The following PIP4K2C variants were observed in gnomAD, a reference collection of about 807,000 sequenced individuals.
The protein encoded by PIP4K2C is phosphatidylinositol 5-phosphate 4-kinase type-2 gamma.
Under a neutral mutation model 45.0 loss-of-function variants are expected in PIP4K2C, and 21 were observed. That is an observed-to-expected ratio of 0.47 (90% CI 0.33 to 0.67). The LOEUF is 0.67. PIP4K2C is among the 30% of genes least tolerant of loss of function. The probability of loss-of-function intolerance (pLI) is 0.02; values close to 1 mark genes in which losing one functional copy is unlikely to be tolerated. For missense variants in PIP4K2C, 456 were observed against 542.8 expected (o/e 0.84, Z 1.59); for synonymous variants, 201 against 204.8 (o/e 0.98, Z 0.16).
At chr12:57,592,586 G>C (rs532356423) in intron 1 of PIP4K2C, among the ~76,000 whole-genome samples, 65 of 152,236 alleles carry the variant, frequency 4.3e-4, no homozygotes, top group African/African-American at 1.5e-3. Context: ...GTATGGGGAA[G>C]GCTGATGGAG....
At chr12:57,592,700 T>G (rs1883014617) in intron 1 of PIP4K2C, among the ~76,000 whole-genome samples, 1 of 152,130 alleles carries the variant, frequency 6.6e-6, no homozygotes, top group African/African-American at 2.4e-5. Flanking sequence ...GAGTTACATG[T>G]AAGACCTACC....
chr12:57,598,636 C>T (rs771263552), intron 4 of PIP4K2C, among the ~76,000 whole-genome samples: 12 of 151,336 alleles, frequency 7.9e-5, no homozygotes, highest in Non-Finnish European at 1.8e-4. Context: ...ACAGCACAGC[C>T]CAACCCAATG....
In PIP4K2C at chr12:57,600,977, C is replaced by T. The variant is rs757383047; in HGVS notation, c.980C>T (p.Thr327Ile). ...CCTGCTCTGGTGGGCTCCTATGGCA[C>T]CTCCCCAGAGGGTATCGGAGGCTAC... ...GPPALVGSYG[T>I]SPEGIGGYIH... Residue 327 changes from threonine (T) to isoleucine (I), a missense_variant, in exon 8 of 10, where the codon ACC becomes ATC. This residue lies in a region of PIP4K2C where 421 missense variants were observed against 473.1 expected (regional missense o/e 0.89). Coordinates refer to ENST00000354947, the MANE Select transcript of PIP4K2C (RefSeq NM_024779.5). The T allele has an allele frequency of 6.2e-7, 1 of 1,614,184 alleles. No individual in the cohort carries two copies. Among genetic ancestry groups the T allele is most frequent in the South Asian group, 1.1e-5 (1 of 91,082 alleles).
At chr12:57,594,221 C>A in intron 2 of PIP4K2C, 99 bp downstream of exon 2, 2 of 945,722 alleles carry the variant, frequency 2.1e-6, no homozygotes, top group Non-Finnish European at 3.1e-6. Context: ...ACATCCTTCC[C>A]AAATGCAGAA....
At chr12:57,593,878 C>G (rs915614818) in intron 1 of PIP4K2C, 147 bp from the exon 2 acceptor site, 2 of 583,208 alleles carry the variant, frequency 3.4e-6, no homozygotes, top group Non-Finnish European at 6.0e-6. Flanking sequence ...GACACATTCT[C>G]TCACTTCTGT....
At chr12:57,591,614 C>G in intron 1 of PIP4K2C, 151 bp downstream of exon 1, 3 of 845,034 alleles carry the variant, frequency 3.6e-6, no homozygotes, top group Non-Finnish European at 5.2e-6. Flanking sequence ...CCAGGTGTTC[C>G]CCCAGCAGGT....
In PIP4K2C at chr12:57,592,900, C is replaced by CT. The variant is rs74320065; in HGVS notation, c.175-1110dup. ...ATTTTAGGCTGGGAGTCTCAAGTGG[C>CT]TTTTTTTTTTTTTTTAATCTGGAGG... On this transcript the variant is annotated intron_variant, in intron 1 of 9. Coordinates refer to ENST00000354947, the MANE Select transcript of PIP4K2C (RefSeq NM_024779.5). Among the ~76,000 whole-genome samples, 856 of 121,324 alleles carry CT rather than the reference C, an allele frequency of 7.1e-3. 5 individuals carry two copies. Among genetic ancestry groups the CT allele is most frequent in the African/African-American group, 0.022 (711 of 32,598 alleles). The allele number at this position is 121,324 out of a possible 152,430, so 79.6% of individuals were successfully genotyped here.
intron 4 of PIP4K2C, 38 bp downstream of exon 4, chr12:57,596,069 C>T: frequency 6.3e-7 from 1 of 1,593,734 alleles, no homozygotes; most frequent in Non-Finnish European, 8.6e-7. Context: ...TCCCTCTCCT[C>T]CCTACTCACA....
At position 57,591,207 on chromosome 12, in the gene PIP4K2C, G is replaced by C. The variant is rs1882930167; in HGVS notation, c.-83G>C. 1 of 1,410,630 alleles carries C rather than the reference G, an allele frequency of 7.1e-7. No individual in the cohort carries two copies. Among genetic ancestry groups the C allele is most frequent in the Admixed American group, 2.0e-5 (1 of 50,432 alleles). The allele number at this position is 1,410,630 out of a possible 1,614,324, so 87.4% of individuals were successfully genotyped here. A position where few individuals can be genotyped will look rare whatever the true frequency, so the allele number is the denominator to read the frequency against. On this transcript the variant is annotated 5_prime_UTR_variant, in exon 1 of 10. Transcript: ENST00000354947. ...TCCGGCCTCCGGTCACGTGACAGCA[G>C]CGCAGGTGAGCGCCGCTTCCGGGGT...
chr12:57,600,927 T>C lies in PIP4K2C; in HGVS notation c.930T>C (p.Asp310=), dbSNP rs769236539. 1.3e-5 allele frequency: 21 copies of C among 1,614,042 alleles called. No individual in the cohort carries two copies. Among genetic ancestry groups the C allele is most frequent in the Non-Finnish European group, 1.7e-5 (20 of 1,180,036 alleles). ...APVREDESEV[D]GDCSLTGPPA... is the part of the protein sequence containing the mutation. ...TGCGGGAGGATGAGTCAGAGGTGGA[T>C]GGGGACTGCAGCCTGACTGGACCTC... The change falls in exon 8 of 10, where the codon GAT becomes GAC. Residue 310 remains aspartate (D), a synonymous_variant. Transcript: ENST00000354947.
chr12:57,596,090 C>T, intron 4 of PIP4K2C, 59 bp downstream of exon 4: 1 of 1,552,378 alleles, frequency 6.4e-7, no homozygotes, highest in Non-Finnish European at 8.9e-7. Flanking sequence ...TATAGCTCAG[C>T]TATTGTCAGT....
chr12:57,596,129 T>C lies in PIP4K2C; in HGVS notation c.513+98T>C, dbSNP rs535586467. ...AGATGCCAACTGGGGAGAAAACTCA[T>C]TGGAAGAGAGAATCCATAATCATAT... On this transcript the variant is annotated intron_variant, in intron 4 of 9. Transcript: ENST00000354947. The C allele has an allele frequency of 3.8e-5, 53 of 1,388,058 alleles. No homozygotes were observed. In the Admixed American group the frequency reaches 4.6e-4, roughly 12 times the overall value. The allele number at this position is 1,388,058 out of a possible 1,614,324, so 86.0% of individuals were successfully genotyped here. A position where few individuals can be genotyped will look rare whatever the true frequency, so the allele number is the denominator to read the frequency against.
chr12:57,598,644 A>G (rs1036665395), intron 4 of PIP4K2C, among the ~76,000 whole-genome samples: 2 of 151,598 alleles, frequency 1.3e-5, no homozygotes, highest in East Asian at 1.9e-4. Flanking sequence ...GCCCAACCCA[A>G]TGCAGACATT....
chr12:57,601,112 G>A, intron 8 of PIP4K2C, 34 bp downstream of exon 8: 3 of 1,607,536 alleles, frequency 1.9e-6, no homozygotes, highest in Non-Finnish European at 2.6e-6. Flanking sequence ...GGGTGGAGAG[G>A]GGATTTTTCC....
At chr12:57,598,393 C>G (rs568291203) in intron 4 of PIP4K2C, among the ~76,000 whole-genome samples, 4 of 151,862 alleles carry the variant, frequency 2.6e-5, no homozygotes, top group Non-Finnish European at 5.9e-5. Context: ...TGGTGGTGTG[C>G]GCCTGTACTC....
At chr12:57,593,606 T>C (rs894201652) in intron 1 of PIP4K2C, among the ~76,000 whole-genome samples, 2 of 151,838 alleles carry the variant, frequency 1.3e-5, no homozygotes, top group Non-Finnish European at 2.9e-5. Flanking sequence ...ATTAACACTC[T>C]TGTGCATTTT....
intron 4 of PIP4K2C, chr12:57,597,843 G>A (rs1236272063): frequency 2.0e-5 from 3 of 152,132 alleles, no homozygotes; most frequent in Admixed American, 6.5e-5. Context: ...CTGGTCAATA[G>A]GATCAAGTGC....
chr12:57,599,183 T>G lies in PIP4K2C; in HGVS notation c.632T>G (p.Leu211Arg), dbSNP rs1883320033. ...LVMRNMFSHRLPVHRKYDLKG... is the reference protein window; with the variant it reads ...LVMRNMFSHRRPVHRKYDLKG... ...ATGCGCAATATGTTTAGCCACCGTC[T>G]TCCTGTGCACAGGAAGTATGACCTC... Residue 211 changes from leucine to arginine, a missense_variant, in exon 5 of 10, where the codon CTT (leucine) becomes CGT (arginine). By Grantham distance (102) the Leu-to-Arg change is moderately radical. Transcript: ENST00000354947. The G allele has an allele frequency of 1.9e-6, 3 of 1,614,228 alleles. No homozygotes were observed. The highest frequency in any genetic ancestry group is 1.7e-6 in the Non-Finnish European group (2 of 1,180,042).
Position 57,591,309 on chromosome 12 carries a change from C to T in PIP4K2C, c.20C>T (p.Pro7Leu), listed in dbSNP as rs2140179696. 1 of 1,612,704 alleles carries T rather than the reference C, an allele frequency of 6.2e-7. No individual in the cohort carries two copies. Among genetic ancestry groups the T allele is most frequent in the Non-Finnish European group, 8.5e-7 (1 of 1,179,262 alleles). ...GAGACTATGGCGTCCTCCTCGGTCC[C>T]ACCAGCCACGGTATCGGCGGCGACA... MASSSV[P>L]PATVSAATAG... Residue 7 changes from proline (P) to leucine (L), a missense_variant, in exon 1 of 10, where the codon CCA (proline) becomes CTA (leucine). Physicochemically the swap from Pro to Leu is moderately conservative, Grantham distance 98. Around this residue, in one of 2 missense-constraint regions of PIP4K2C, gnomAD observed 421 missense variants for 473.1 expected, o/e 0.89. Transcript: ENST00000354947.
Sources: allele counts gnomAD v4.1 joint callset (sites outside exome capture counted in the v4.1 genomes callset), GRCh38; gene constraint gnomAD v4.1.1; regional missense constraint gnomAD v4.1.1; transcripts MANE v1.5; gene names NCBI Gene and HGNC (gene_info 2026-07-23, HGNC 2026-07-21).